The following SGCD variants were observed in gnomAD, a reference collection of about 807,000 sequenced individuals.
SGCD encodes sarcoglycan delta, also known as delta-sarcoglycan.
Under a neutral mutation model 36.6 loss-of-function variants are expected in SGCD, and 18 were observed. The observed-to-expected ratio is 0.49, with a 90% CI of 0.34 to 0.73. The LOEUF is 0.73. Ranked by LOEUF, SGCD falls within the 30% of genes least tolerant of loss-of-function variation. The pLI is 0.01. For missense variants in SGCD, 387 were observed against 346.7 expected, an observed-to-expected ratio of 1.12 and a Z score of -0.92; for synonymous variants, 133 against 130.6, an observed-to-expected ratio of 1.02 and a Z score of -0.12.
chr5:156,100,167 G>T (rs1761487821), intron 1 of SGCD, among the ~76,000 whole-genome samples: 1 of 152,050 alleles, frequency 6.6e-6, no homozygotes, highest in African/African-American at 2.4e-5. Flanking sequence ...GTTCAGAGTT[G>T]TTCATGTGAG....
chr5:155,754,314 A>G, the SGCD span, among the ~76,000 whole-genome samples: 1 of 152,240 alleles, frequency 6.6e-6, no homozygotes, highest in Non-Finnish European at 1.5e-5. Context: ...GAGAAATGGC[A>G]TCCAAATATA....
rs80261895 is a variant in SGCD, at chr5:156,047,548, T to C, written c.-281-70330T>C. On this transcript the variant is annotated intron_variant, in intron 1 of 9. Coordinates refer to the SGCD transcript ENST00000517913. ...AATGAGGCTAAATCTACTCTGCCTATGCCCTAGAAATGGAACAACAAAGCT... is the reference window on the plus strand; with the variant it reads ...AATGAGGCTAAATCTACTCTGCCTACGCCCTAGAAATGGAACAACAAAGCT... Among the ~76,000 whole-genome samples the C allele has an allele frequency of 9.7e-3, 1,476 of 152,266 alleles. 45 individuals carry two copies. The East Asian group carries it at 0.12, about 12-fold the overall frequency.
chr5:156,429,516 T>C (rs891996551), intron 3 of SGCD, among the ~76,000 whole-genome samples: 2 of 151,972 alleles, frequency 1.3e-5, no homozygotes, highest in Non-Finnish European at 2.9e-5. Flanking sequence ...CATTTGACAT[T>C]AGTATTAAGA....
At chr5:155,913,478 C>T (rs1328613676) in intron 1 of SGCD, among the ~76,000 whole-genome samples, 1 of 152,122 alleles carries the variant, frequency 6.6e-6, no homozygotes, top group Non-Finnish European at 1.5e-5. Context: ...TTAGGGAAAT[C>T]CACTTAACAT....
chr5:155,868,208 T>C (rs1264816803), upstream of SGCD, among the ~76,000 whole-genome samples: 2 of 152,070 alleles, frequency 1.3e-5, no homozygotes, highest in Admixed American at 6.5e-5. Flanking sequence ...TGTACCATCA[T>C]GCCTGGCTAA....
At chr5:156,398,141 T>C (rs1236545491) in intron 3 of SGCD, among the ~76,000 whole-genome samples, 3 of 152,216 alleles carry the variant, frequency 2.0e-5, no homozygotes, top group Admixed American at 6.5e-5. Flanking sequence ...CATGCAGATG[T>C]GTCATCTGCG....
chr5:156,593,342 C>G (rs114394658), intron 5 of SGCD, among the ~76,000 whole-genome samples: 1 of 152,112 alleles, frequency 6.6e-6, no homozygotes, highest in Non-Finnish European at 1.5e-5. Flanking sequence ...TTTCAGAACA[C>G]GCGCACCAGA....
chr5:156,259,605 T>G (rs1448393213), intron 3 of SGCD, among the ~76,000 whole-genome samples: 1 of 152,224 alleles, frequency 6.6e-6, no homozygotes, highest in African/African-American at 2.4e-5. Context: ...AATTAACTTT[T>G]GTTTCTAGAG....
At chr5:156,324,257 C>A (rs1767746765), upstream of SGCD, among the ~76,000 whole-genome samples, 1 of 152,134 alleles carries the variant, frequency 6.6e-6, no homozygotes. Context: ...CAAATCATCA[C>A]ATTTGAGGTT....
At chr5:156,546,928 G>A (rs930445241) in intron 4 of SGCD, among the ~76,000 whole-genome samples, 1 of 152,172 alleles carries the variant, frequency 6.6e-6, no homozygotes, top group Non-Finnish European at 1.5e-5. Flanking sequence ...ACTAGATATA[G>A]TAAGGCATTG....
At chr5:155,730,907 A>T in the SGCD span, among the ~76,000 whole-genome samples, 186 of 152,310 alleles carry the variant, frequency 1.2e-3, 2 homozygotes, top group African/African-American at 4.3e-3. Flanking sequence ...AGGATATCTA[A>T]GTAGAGTGAT....
At chr5:155,945,095 G>C (rs1757411523) in intron 1 of SGCD, among the ~76,000 whole-genome samples, 1 of 152,118 alleles carries the variant, frequency 6.6e-6, no homozygotes, top group South Asian at 2.1e-4. Flanking sequence ...ATTTCCACTT[G>C]TTTTCAAGAA....
the SGCD span, among the ~76,000 whole-genome samples, chr5:155,741,213 T>A: frequency 1.3e-5 from 2 of 152,154 alleles, no homozygotes; most frequent in Non-Finnish European, 2.9e-5. Flanking sequence ...AAGACAAGGT[T>A]CTTATTATTT....
chr5:156,620,971 G>A (rs1273395935), intron 6 of SGCD, among the ~76,000 whole-genome samples: 1 of 152,186 alleles, frequency 6.6e-6, no homozygotes, highest in Non-Finnish European at 1.5e-5. Context: ...CATTATTTAT[G>A]TTGCAAGAAC....
chr5:156,302,349 C>A (rs951428656), intron 3 of SGCD, among the ~76,000 whole-genome samples: 6 of 151,946 alleles, frequency 3.9e-5, no homozygotes, highest in African/African-American at 1.5e-4. Context: ...TCCAACATTT[C>A]TGTTTGATTT....
At chr5:156,100,916 T>C (rs970150514) in intron 1 of SGCD, among the ~76,000 whole-genome samples, 2 of 152,170 alleles carry the variant, frequency 1.3e-5, no homozygotes, top group Non-Finnish European at 2.9e-5. Context: ...CATTTACATG[T>C]TTATTTGTCA....
the SGCD span, among the ~76,000 whole-genome samples, chr5:155,796,758 A>G: frequency 1.5e-5 from 2 of 134,890 alleles, no homozygotes; most frequent in African/African-American, 5.6e-5. Flanking sequence ...GTGAGCCGAG[A>G]TTGTGCCATT....
At chr5:156,536,908 C>T (rs758348212) in intron 4 of SGCD, among the ~76,000 whole-genome samples, 14 of 152,122 alleles carry the variant, frequency 9.2e-5, no homozygotes, top group African/African-American at 1.9e-4. Context: ...TTCTGATGTG[C>T]GAGCTGCTTT....
Position 156,281,190 on chromosome 5 carries a change from TA to T in SGCD, c.-43-48343del, listed in dbSNP as rs1441909364. On this transcript the variant is annotated intron_variant, in intron 3 of 9. Coordinates refer to the SGCD transcript ENST00000517913. ...AAATATAAGTGCTGGGTTCCAATACTACCACATTCATTTAGGGATTAGATTA... is the reference window on the plus strand; with the variant it reads ...AAATATAAGTGCTGGGTTCCAATACTCCACATTCATTTAGGGATTAGATTA... 2.6e-5 allele frequency among the ~76,000 whole-genome samples: 4 copies of T among 152,222 alleles called. No individual in the cohort carries two copies. In the South Asian group the frequency reaches 6.2e-4, roughly 24 times the overall value.
Sources: allele counts gnomAD v4.1 joint callset (sites outside exome capture counted in the v4.1 genomes callset), GRCh38; gene constraint gnomAD v4.1.1; transcripts MANE v1.5; gene names NCBI Gene and HGNC (gene_info 2026-07-23, HGNC 2026-07-21).